The following ZSCAN30 variants were observed in gnomAD, a reference collection of about 807,000 sequenced individuals.
ZSCAN30 encodes zinc finger and SCAN domain-containing protein 30.
ZSCAN30 carries 37 observed loss-of-function variants against 44.3 expected under a neutral mutation model. The observed-to-expected ratio is 0.84, with a 90% CI of 0.64 to 1.10. The LOEUF is 1.10. Ranked by LOEUF, ZSCAN30 falls within the 50% of genes least tolerant of loss-of-function variation. ZSCAN30 has a pLI of 0.00. For synonymous variants in ZSCAN30, 181 were observed against 204.6 expected (o/e 0.88, Z 0.98); for missense variants, 549 against 582.6 (o/e 0.94, Z 0.59).
chr18:35,288,382 T>C (rs1287732040), intron 1 of ZSCAN30, among the ~76,000 whole-genome samples: 2 of 152,176 alleles, frequency 1.3e-5, no homozygotes, highest in African/African-American at 4.8e-5. Context: ...CATGTACTCA[T>C]GTTAGGAATG....
chr18:35,272,001 G>A (rs865890152), intron 1 of ZSCAN30, among the ~76,000 whole-genome samples: 1 of 152,176 alleles, frequency 6.6e-6, no homozygotes, highest in Admixed American at 6.5e-5. Context: ...TCCCGCCCAC[G>A]CCTCTCTCTC....
intron 1 of ZSCAN30, chr18:35,283,609 A>G (rs2044499401): frequency 6.6e-6 from 1 of 152,460 alleles, no homozygotes; most frequent in Admixed American, 6.5e-5. Context: ...CTGCTGCAGC[A>G]GGGTGGGCAG....
chr18:35,271,935 C>T (rs982907541), intron 1 of ZSCAN30, among the ~76,000 whole-genome samples: 1 of 152,092 alleles, frequency 6.6e-6, no homozygotes, highest in African/African-American at 2.4e-5. Context: ...TGGCCGGCCG[C>T]TCCAAGTGCG....
intron 3 of ZSCAN30, chr18:35,259,982 C>T (rs2043987119): frequency 6.6e-6 from 1 of 152,248 alleles, no homozygotes; most frequent in Non-Finnish European, 1.5e-5. Flanking sequence ...GTATTAAGCC[C>T]CACATGCATT....
At chr18:35,286,935 C>CA (rs1329622285) in intron 1 of ZSCAN30, among the ~76,000 whole-genome samples, 3 of 152,080 alleles carry the variant, frequency 2.0e-5, no homozygotes, top group African/African-American at 7.2e-5. Context: ...TCTACAAAAA[C>CA]AGCTACTAGA....
In ZSCAN30 at chr18:35,254,095, TC is replaced by T. The variant is rs2043700461; in HGVS notation, c.839del (p.Gly280GlufsTer5). On this transcript the variant is annotated frameshift_variant, in exon 4 of 4. Transcript: ENST00000333206. LOFTEE classifies it high-confidence loss of function. ...TATCATTTGAATTCATACTGAAACT[TC>T]CTTCACTCTCATGAGATTCAAGGAC... ...HSVLESHESE[G>X]SFSMNSNDIT... The T allele has an allele frequency of 6.2e-7, 1 of 1,613,976 alleles. No homozygotes were observed. The highest frequency in any genetic ancestry group is 1.7e-5 in the Admixed American group (1 of 59,972).
chr18:35,263,166 A>C, intron 3 of ZSCAN30: 1 of 387,446 alleles, frequency 2.6e-6, no homozygotes, highest in Non-Finnish European at 4.9e-6. Context: ...ACTTTAACCC[A>C]GGGGTTCAAG....
At chr18:35,263,046 G>T in intron 3 of ZSCAN30, 1 of 195,420 alleles carries the variant, frequency 5.1e-6, no homozygotes, top group South Asian at 6.0e-5. Flanking sequence ...TGCCAATGAA[G>T]CCAAAATTAA....
rs2043679457 is a variant in ZSCAN30, at chr18:35,253,730, T to C, written c.1205A>G (p.Gln402Arg). The C allele has an allele frequency of 6.2e-7, 1 of 1,614,184 alleles. No individual in the cohort carries two copies. The highest frequency in any genetic ancestry group is 2.2e-5 in the East Asian group (1 of 44,882). ...KAFSRSSALI[Q>R]HKKIHTGDKS... Reference sequence around the variant, plus strand: ...ATCTCCAGTGTGAATTTTCTTATGCTGAATAAGGGCTGAGCTCCGGCTGAA... The same window carrying C: ...ATCTCCAGTGTGAATTTTCTTATGCCGAATAAGGGCTGAGCTCCGGCTGAA... The change falls in exon 4 of 4, where the codon CAG (glutamine) becomes CGG (arginine). Residue 402 changes from glutamine to arginine, a missense_variant. By Grantham distance (43) the Gln-to-Arg change is conservative. Transcript: ENST00000333206.
chr18:35,260,558 C>T (rs1264448317), intron 3 of ZSCAN30: 1 of 152,210 alleles, frequency 6.6e-6, no homozygotes, highest in Non-Finnish European at 1.5e-5. Context: ...GCCATTCTGA[C>T]TGCCATGAGA....
At chr18:35,283,767 G>A (rs72967271) in intron 1 of ZSCAN30, 17,399 of 152,444 alleles carry the variant, frequency 0.11, 1,282 homozygotes, top group Middle Eastern at 0.18. Flanking sequence ...CCTGGTCTGG[G>A]CTTCCTGAAG....
rs560924530 is a variant in ZSCAN30 at position 35,252,460 on chromosome 18, A to G, written c.*990T>C. ...CCAGGCTTGCAGGCCCTGAGCTATT[A>G]TACTTGAGGGCAATAAATATTTGTT... On this transcript the variant is annotated 3_prime_UTR_variant, in exon 4 of 4. Coordinates refer to ENST00000333206, the MANE Select transcript of ZSCAN30 (RefSeq NM_001112734.4). The G allele has an allele frequency of 1.3e-5, 2 of 152,240 alleles. No individual in the cohort carries two copies. The highest frequency in any genetic ancestry group is 1.9e-4 in the East Asian group (1 of 5,174). 9.4% of individuals were successfully genotyped at this position (152,240 alleles called of 1,614,324 possible). A position where few individuals can be genotyped will look rare whatever the true frequency, so the allele number is the denominator to read the frequency against.
At position 35,274,172 on chromosome 18, in the gene ZSCAN30, T is replaced by C. The variant is rs181478204; in HGVS notation, c.-103-9717A>G. On this transcript the variant is annotated intron_variant, in intron 1 of 3. Coordinates refer to ENST00000333206, the MANE Select transcript of ZSCAN30 (RefSeq NM_001112734.4). ...CTGGGACTACGGGCGCCCGCCACCA[T>C]GCCCAGCTAATTTTTGGGGGCTTTT... 3.0e-3 allele frequency among the ~76,000 whole-genome samples: 457 copies of C among 152,246 alleles called. 7 individuals carry two copies. Among genetic ancestry groups the C allele is most frequent in the Admixed American group, 0.021 (317 of 15,298 alleles).
intron 1 of ZSCAN30, 28 bp from the exon 2 acceptor site, chr18:35,264,483 C>A (rs2044105172): frequency 3.3e-6 from 3 of 921,178 alleles, no homozygotes; most frequent in Admixed American, 2.9e-5. Flanking sequence ...TCATGTTACA[C>A]AGGGAAAATA....
rs760888627 is a variant in ZSCAN30, at chr18:35,252,469, G to A, written c.*981C>T. On this transcript the variant is annotated 3_prime_UTR_variant, in exon 4 of 4. Coordinates refer to ENST00000333206, the MANE Select transcript of ZSCAN30 (RefSeq NM_001112734.4). The stretch of plus-strand genomic sequence containing the variant: ...CAGGCCCTGAGCTATTATACTTGAG[G>A]GCAATAAATATTTGTTGAATTACTC... 1 of 151,916 alleles carries A rather than the reference G, an allele frequency of 6.6e-6. No individual in the cohort carries two copies. Among genetic ancestry groups the A allele is most frequent in the Non-Finnish European group, 1.5e-5 (1 of 67,990 alleles). 9.4% of individuals were successfully genotyped at this position (151,916 alleles called of 1,614,324 possible). A position where few individuals can be genotyped will look rare whatever the true frequency, so the allele number is the denominator to read the frequency against.
chr18:35,260,049 CCTCT>C (rs1475645999), intron 3 of ZSCAN30: 6 of 152,236 alleles, frequency 3.9e-5, no homozygotes, highest in African/African-American at 1.4e-4. Flanking sequence ...GTGTGTTGTT[CCTCT>C]CTCTGTTTCT....
At chr18:35,265,648 C>CT (rs1398146447) in intron 1 of ZSCAN30, among the ~76,000 whole-genome samples, 1 of 152,190 alleles carries the variant, frequency 6.6e-6, no homozygotes, top group Admixed American at 6.5e-5. Flanking sequence ...TTATTCTTGA[C>CT]TTTTAAGTCG....
At chr18:35,272,640 C>T (rs891322126) in intron 1 of ZSCAN30, among the ~76,000 whole-genome samples, 5 of 152,208 alleles carry the variant, frequency 3.3e-5, no homozygotes, top group African/African-American at 4.8e-5. Flanking sequence ...CCTCCGTGCC[C>T]GGCCCATTTT....
intron 2 of ZSCAN30, 94 bp from the exon 3 acceptor site, chr18:35,263,751 C>A: frequency 6.7e-7 from 1 of 1,487,426 alleles, no homozygotes; most frequent in Middle Eastern, 1.8e-4. Flanking sequence ...ATCAAAAACT[C>A]ATTCAAATGA....
Sources: allele counts gnomAD v4.1 joint callset (sites outside exome capture counted in the v4.1 genomes callset), GRCh38; gene constraint gnomAD v4.1.1; transcripts MANE v1.5; gene names NCBI Gene and HGNC (gene_info 2026-07-23, HGNC 2026-07-21).